The following FBLN7 variants were observed in gnomAD, a reference collection of about 807,000 sequenced individuals.
FBLN7 encodes fibulin 7, also known as fibulin-7.
A neutral mutation model predicts 44.0 loss-of-function variants in FBLN7; 31 were observed. The ratio of observed to expected loss-of-function variants is 0.70; its 90% CI spans 0.53 to 0.95. The LOEUF is 0.95. Among genes scored for constraint, FBLN7 ranks in the 40% least tolerant of loss-of-function variants. The pLI, the probability that FBLN7 is intolerant of heterozygous loss-of-function variation, is 0.00. For synonymous variants in FBLN7, 262 were observed against 253.4 expected (o/e 1.03, Z -0.32); for missense variants, 573 against 618.5 (o/e 0.93, Z 0.78).
the FBLN7 span, chr2:112,231,012 G>A: frequency 9.9e-7 from 1 of 1,012,908 alleles, no homozygotes; most frequent in Non-Finnish European, 1.3e-6. Flanking sequence ...CAGGTATACT[G>A]TCATATTCAT....
intron 1 of FBLN7, 50 bp from the exon 2 acceptor site, chr2:112,159,598 CGATTTCGGAAGCTCAGACAAGCATGTGG>C (rs2104561318): frequency 7.1e-7 from 1 of 1,416,258 alleles, no homozygotes; most frequent in East Asian, 2.7e-5. Flanking sequence ...GTGGCTTCGG[CGATTTCGGAAGCTCAGACAAGCATGTGG>C]GACTGAGTCA....
At chr2:112,169,350 A>G (rs538731779) in intron 3 of FBLN7, among the ~76,000 whole-genome samples, 1 of 152,298 alleles carries the variant, frequency 6.6e-6, no homozygotes, top group East Asian at 1.9e-4. Context: ...AGAACTCCAG[A>G]GTGGAAAGCA....
At chr2:112,192,592 C>T (rs767024304), downstream of FBLN7, among the ~76,000 whole-genome samples, 7 of 152,078 alleles carry the variant, frequency 4.6e-5, no homozygotes, top group South Asian at 2.1e-4. Flanking sequence ...CACTAGCAAA[C>T]GAAAAGAAAA....
the FBLN7 span, among the ~76,000 whole-genome samples, chr2:112,230,377 A>C: frequency 6.6e-6 from 1 of 152,186 alleles, no homozygotes; most frequent in Non-Finnish European, 1.5e-5. Context: ...GTGCACATTC[A>C]TGCCAAGAAG....
chr2:112,154,435 C>T (rs956360866), intron 1 of FBLN7, among the ~76,000 whole-genome samples: 3 of 152,178 alleles, frequency 2.0e-5, no homozygotes, highest in African/African-American at 7.2e-5. Flanking sequence ...GCCTCTGGAA[C>T]ACGCTCTGTC....
chr2:112,175,718 C>T lies in FBLN7; in HGVS notation c.411C>T (p.Ile137=), dbSNP rs760233177. The T allele has an allele frequency of 1.5e-5, 25 of 1,613,992 alleles. No individual in the cohort carries two copies. ...WTGEQPHCRG[I]SECSSQPCQN... ...GAAAATTATTTATCTTCCTAGGTATCAGTGAATGCTCCAGCCAGCCTTGTC... is the reference window on the plus strand; with the variant it reads ...GAAAATTATTTATCTTCCTAGGTATTAGTGAATGCTCCAGCCAGCCTTGTC... The change falls in exon 4 of 8, where the codon ATC becomes ATT. Residue 137 remains isoleucine (I), a synonymous_variant. Transcript: ENST00000331203.
At chr2:112,175,597 A>C in intron 3 of FBLN7, 117 bp from the exon 4 acceptor site, 1 of 1,338,942 alleles carries the variant, frequency 7.5e-7, no homozygotes, top group Non-Finnish European at 1.0e-6. Flanking sequence ...GGGGTCAGGT[A>C]GAAAGTGGGA....
chr2:112,150,635 C>T (rs1450016595), intron 1 of FBLN7, among the ~76,000 whole-genome samples: 4 of 152,180 alleles, frequency 2.6e-5, no homozygotes, highest in Non-Finnish European at 5.9e-5. Context: ...ACTCCCAGGC[C>T]TGGCTTGATC....
In FBLN7 at chr2:112,188,196, A is replaced by G. The variant is rs1237085507; in HGVS notation, c.*690A>G. The G allele has an allele frequency of 6.6e-6, 1 of 152,194 alleles. No individual in the cohort carries two copies. Among genetic ancestry groups the G allele is most frequent in the Non-Finnish European group, 1.5e-5 (1 of 68,052 alleles). The allele number at this position is 152,194 out of a possible 1,614,324, so 9.4% of individuals were successfully genotyped here. A position where few individuals can be genotyped will look rare whatever the true frequency, so the allele number is the denominator to read the frequency against. On this transcript the variant is annotated 3_prime_UTR_variant, in exon 8 of 8. Transcript: ENST00000331203. ...AACCTGGTAATATAACTGAAAAAAT[A>G]AAAGTGATTGCTCCTTCCTGCCCGC...
the FBLN7 span, among the ~76,000 whole-genome samples, chr2:112,201,814 T>A: frequency 2.6e-5 from 4 of 152,206 alleles, no homozygotes; most frequent in Non-Finnish European, 2.9e-5. Context: ...ATAAGGAGCA[T>A]TTCTGTTGAT....
intron 1 of FBLN7, among the ~76,000 whole-genome samples, chr2:112,158,185 C>T (rs1218878934): frequency 6.6e-6 from 1 of 152,174 alleles, no homozygotes; most frequent in African/African-American, 2.4e-5. Context: ...GCGTGAGCCA[C>T]CGTGCCCAGC....
the FBLN7 span, among the ~76,000 whole-genome samples, chr2:112,219,068 A>G: frequency 1.3e-5 from 2 of 152,228 alleles, no homozygotes; most frequent in Non-Finnish European, 2.9e-5. Flanking sequence ...TCAAATTCAA[A>G]TTGATGTTTT....
Position 112,187,819 on chromosome 2 carries a change from G to A in FBLN7, c.*313G>A, listed in dbSNP as rs1573843768. ...CAAAATGCTGTGCAAATGGCCTTGT[G>A]AGTTTGAACTAGCTGGGGAGAGAAA... On this transcript the variant is annotated 3_prime_UTR_variant, in exon 8 of 8. Transcript: ENST00000331203. This position sits in a 1 kb window ranked among gnomAD's most constrained non-coding sequence, Gnocchi z 5.1. 2.5e-5 allele frequency: 12 copies of A among 483,666 alleles called. No individual in the cohort carries two copies. The East Asian group carries it at 3.9e-4, about 16-fold the overall frequency. The allele number at this position is 483,666 out of a possible 1,614,324, so 30.0% of individuals were successfully genotyped here. A position where few individuals can be genotyped will look rare whatever the true frequency, so the allele number is the denominator to read the frequency against.
intron 2 of FBLN7, among the ~76,000 whole-genome samples, chr2:112,160,772 A>AC (rs1681788113): frequency 3.6e-4 from 14 of 38,826 alleles, no homozygotes; most frequent in African/African-American, 1.1e-3. Flanking sequence ...ACGCACACGC[A>AC]GACGCACACG....
intron 2 of FBLN7, among the ~76,000 whole-genome samples, chr2:112,164,658 C>G (rs1682046692): frequency 6.6e-6 from 1 of 152,212 alleles, no homozygotes; most frequent in African/African-American, 2.4e-5. Flanking sequence ...CCTAAAGAAA[C>G]CCAGGGGGGC....
At chr2:112,205,344 CA>C in the FBLN7 span, among the ~76,000 whole-genome samples, 24 of 151,780 alleles carry the variant, frequency 1.6e-4, no homozygotes, top group Non-Finnish European at 1.2e-4. Context: ...AGCTTACCAG[CA>C]ATTATATTAA....
At chr2:112,230,373 A>G in the FBLN7 span, among the ~76,000 whole-genome samples, 1 of 152,206 alleles carries the variant, frequency 6.6e-6, no homozygotes, top group Non-Finnish European at 1.5e-5. Context: ...ACTTGTGCAC[A>G]TTCATGCCAA....
chr2:112,192,126 T>A (rs1683511350), downstream of FBLN7, among the ~76,000 whole-genome samples: 1 of 152,230 alleles, frequency 6.6e-6, no homozygotes, highest in East Asian at 1.9e-4. Flanking sequence ...CAGCATACCA[T>A]TGTTTATTCG....
the FBLN7 span, chr2:112,216,420 T>C: frequency 6.6e-6 from 1 of 152,222 alleles, no homozygotes; most frequent in East Asian, 1.9e-4. Flanking sequence ...TCTTGAACAG[T>C]CTTGAACACG....
Sources: gnomAD v4.1 joint callset for allele counts (sites outside exome capture counted in the v4.1 genomes callset) on GRCh38, gnomAD v4.1.1 for gene constraint, Gnocchi (gnomAD v3.1) non-coding constraint, MANE v1.5 for transcripts, NCBI Gene and HGNC (gene_info 2026-07-23, HGNC 2026-07-21) for gene names.